The following MED13 variants were observed in gnomAD, a reference collection of about 807,000 sequenced individuals.
MED13 encodes mediator of RNA polymerase II transcription subunit 13.
In MED13, 23 loss-of-function variants were observed where a neutral mutation model predicts 225.2. That is an observed-to-expected ratio of 0.10 (90% CI 0.07 to 0.14). The LOEUF (loss-of-function observed/expected upper bound fraction) is 0.14. MED13 is among the 10% of genes least tolerant of loss of function. MED13 has a pLI of 1.00. For synonymous variants in MED13, 942 were observed against 889.2 expected (o/e 1.06, Z -1.06); for missense variants, 2,197 against 2,594.5 (o/e 0.85, Z 3.33).
Position 61,955,855 on chromosome 17 carries a change from T to TAAAAAAA in MED13, c.5624-24_5624-18dup, listed in dbSNP as rs61326861. On this transcript the variant is annotated splice_polypyrimidine_tract_variant and intron_variant, in intron 24 of 29. Transcript: ENST00000397786. ...AGCTCCAATCTGTGGGTATCAACAG[T>TAAAAAAA]AAAAAAAAAAAAAAAAAAAAAAAAA... 1.1e-5 allele frequency: 9 copies of TAAAAAAA among 815,158 alleles called. No homozygotes were observed. Among genetic ancestry groups the TAAAAAAA allele is most frequent in the East Asian group, 1.5e-4 (2 of 13,324 alleles). 50.5% of individuals were successfully genotyped at this position (815,158 alleles called of 1,614,324 possible).
chr17:61,946,517 T>A lies in MED13; in HGVS notation c.6476A>T (p.His2159Leu). ...ATATAACTGATTCAGCACCACAAAATGAATTGGGAGACATGAGCGTCTGTC... is the reference window on the plus strand; with the variant it reads ...ATATAACTGATTCAGCACCACAAAAAGAATTGGGAGACATGAGCGTCTGTC... ...TQDRRSCLPI[H>L]FVVLNQLYNF... The change falls in exon 30 of 30, where the codon CAT (histidine) becomes CTT (leucine). Residue 2159 changes from histidine (H) to leucine (L), a missense_variant. Physicochemically the swap from His to Leu is moderately conservative, Grantham distance 99 (BLOSUM62 -3). Around this residue, in one of 12 missense-constraint regions of MED13, gnomAD observed 216 missense variants for 388.9 expected, o/e 0.56. Transcript: ENST00000397786. The A allele has an allele frequency of 6.2e-7, 1 of 1,613,818 alleles. No homozygotes were observed. The highest frequency in any genetic ancestry group is 8.5e-7 in the Non-Finnish European group (1 of 1,179,758).
At chr17:61,978,879 C>T (rs1029757217) in intron 16 of MED13, among the ~76,000 whole-genome samples, 6 of 152,102 alleles carry the variant, frequency 3.9e-5, no homozygotes, top group Non-Finnish European at 7.4e-5. Context: ...TGAACTTAAT[C>T]ACTGGTCCAT....
intron 27 of MED13, 118 bp downstream of exon 27, chr17:61,952,847 G>A (rs915963279): frequency 5.6e-5 from 66 of 1,180,978 alleles, no homozygotes; most frequent in Non-Finnish European, 7.5e-5. Context: ...ATATTGGCCA[G>A]GCTGGTCTCA....
chr17:61,998,366 A>C (rs2080363569), intron 9 of MED13, among the ~76,000 whole-genome samples: 1 of 152,226 alleles, frequency 6.6e-6, no homozygotes. Context: ...TATATTATTC[A>C]TTAATTGCAA....
rs774017981 is a variant in MED13 at position 61,944,427 on chromosome 17, G to A, written c.*2041C>T. 1.3e-5 allele frequency: 2 copies of A among 150,126 alleles called. No homozygotes were observed. The highest frequency in any genetic ancestry group is 4.9e-5 in the African/African-American group (2 of 40,798). The allele number at this position is 150,126 out of a possible 1,614,324, so 9.3% of individuals were successfully genotyped here. A position where few individuals can be genotyped will look rare whatever the true frequency, so the allele number is the denominator to read the frequency against. Reference sequence around the variant, plus strand: ...AACAAAACATACCAACATAATGTGTGGTGTATTAGCATAATTTAAAAACAA... The same window carrying A: ...AACAAAACATACCAACATAATGTGTAGTGTATTAGCATAATTTAAAAACAA... On this transcript the variant is annotated 3_prime_UTR_variant, in exon 30 of 30. Transcript: ENST00000397786.
intron 19 of MED13, among the ~76,000 whole-genome samples, chr17:61,966,249 T>A (rs1402533764): frequency 6.6e-6 from 1 of 152,208 alleles, no homozygotes; most frequent in Non-Finnish European, 1.5e-5. Flanking sequence ...AAACTTGTTC[T>A]GTAAAGGGTC....
intron 9 of MED13, chr17:62,006,108 C>T (rs921530740): frequency 6.6e-6 from 1 of 151,938 alleles, no homozygotes; most frequent in African/African-American, 2.4e-5. Flanking sequence ...AGAAAAAGTT[C>T]ACAGCCTACA....
In MED13 at chr17:61,942,672, A is replaced by G. The variant is rs893040825; in HGVS notation, c.*3796T>C. On this transcript the variant is annotated 3_prime_UTR_variant, in exon 30 of 30. Coordinates refer to ENST00000397786, the MANE Select transcript of MED13 (RefSeq NM_005121.3). ...TTTGTTTTTGTTTTTTTTTTTTTAA[A>G]AAGTATAAACCTTTTCATTTCCTCA... 2 of 151,914 alleles carry G rather than the reference A, an allele frequency of 1.3e-5. No individual in the cohort carries two copies. The highest frequency in any genetic ancestry group is 4.8e-5 in the African/African-American group (2 of 41,296). The allele number at this position is 151,914 out of a possible 1,614,324, so 9.4% of individuals were successfully genotyped here.
At chr17:61,992,894 G>C (rs1419335270) in intron 10 of MED13, among the ~76,000 whole-genome samples, 1 of 151,680 alleles carries the variant, frequency 6.6e-6, no homozygotes, top group Non-Finnish European at 1.5e-5. Flanking sequence ...AGCTTCCCAA[G>C]TAGCTAGGAC....
chr17:62,015,915 C>CACATATATATATATAT (rs1230248036), intron 8 of MED13, among the ~76,000 whole-genome samples: 15 of 8,606 alleles, frequency 1.7e-3, no homozygotes, highest in South Asian at 6.6e-3. Flanking sequence ...ACACTATACA[C>CACATATATATATATAT]ATATATATAT....
intron 10 of MED13, among the ~76,000 whole-genome samples, chr17:61,992,920 C>T (rs966968940): frequency 7.2e-5 from 11 of 152,184 alleles, no homozygotes; most frequent in African/African-American, 2.7e-4. Flanking sequence ...ACACATGCCA[C>T]CACGCCCAGC....
intron 17 of MED13, among the ~76,000 whole-genome samples, chr17:61,970,469 C>A (rs573317934): frequency 6.6e-6 from 1 of 152,062 alleles, no homozygotes; most frequent in African/African-American, 2.4e-5. Flanking sequence ...TCACTTGAGG[C>A]AAGCAGTTCA....
In MED13 at chr17:61,961,084, C is replaced by T. The variant is rs1469490643; in HGVS notation, c.5263G>A (p.Glu1755Lys). 1.2e-6 allele frequency: 2 copies of T among 1,611,072 alleles called. No individual in the cohort carries two copies. Among genetic ancestry groups the T allele is most frequent in the Non-Finnish European group, 1.7e-6 (2 of 1,177,868 alleles). ...GGAGGTGCATAAAGTCGAATACACTCTGGTCTCTATAAAATAAAAAATTAA... is the reference window on the plus strand; with the variant it reads ...GGAGGTGCATAAAGTCGAATACACTTTGGTCTCTATAAAATAAAAAATTAA... ...ETALRSPDRP[E>K]CIRLYAPPFI... Residue 1755 changes from glutamate to lysine, a missense_variant, in exon 23 of 30, where the codon GAG becomes AAG. Physicochemically the swap from Glu to Lys is moderately conservative, Grantham distance 56. Transcript: ENST00000397786.
chr17:61,968,309 T>C (rs1475328570), intron 17 of MED13, 51 bp from the exon 18 acceptor site: 1 of 1,190,468 alleles, frequency 8.4e-7, no homozygotes. Context: ...AAGACATGTC[T>C]CCTTTTTATT....
chr17:62,012,293 T>C (rs1228134637), intron 8 of MED13, among the ~76,000 whole-genome samples: 1 of 151,468 alleles, frequency 6.6e-6, no homozygotes, highest in Non-Finnish European at 1.5e-5. Flanking sequence ...ATGAGAGATA[T>C]ATATACACAT....
chr17:62,033,655 G>T, intron 5 of MED13, 132 bp downstream of exon 5: 1 of 816,938 alleles, frequency 1.2e-6, no homozygotes, highest in Non-Finnish European at 1.9e-6. Context: ...AGTAATGTGG[G>T]CAGGAAATTA....
chr17:62,020,227 C>A (rs2078531478), intron 8 of MED13, among the ~76,000 whole-genome samples: 1 of 144,310 alleles, frequency 6.9e-6, no homozygotes, highest in Admixed American at 6.9e-5. Context: ...ACTTAGCAGC[C>A]TTTCTTTTTT....
At chr17:62,029,218 G>T (rs2080731236) in intron 8 of MED13, 1 of 220,948 alleles carries the variant, frequency 4.5e-6, no homozygotes, top group African/African-American at 2.3e-5. Context: ...AGGAAGGAAT[G>T]CTTTTCTCAA....
chr17:61,946,608 G>A lies in MED13; in HGVS notation c.6393-8C>T, dbSNP rs146397095. Reference sequence around the variant, plus strand: ...TACTGTTCCAAAACAAACCTGAAAAGCAAATAAACTGCATAAGTCATTTAT... The same window carrying A: ...TACTGTTCCAAAACAAACCTGAAAAACAAATAAACTGCATAAGTCATTTAT... On this transcript the variant is annotated splice_polypyrimidine_tract_variant and splice_region_variant and intron_variant, in intron 29 of 29. Transcript: ENST00000397786. The A allele has an allele frequency of 6.2e-7, 1 of 1,608,062 alleles. No homozygotes were observed. The highest frequency in any genetic ancestry group is 8.5e-7 in the Non-Finnish European group (1 of 1,178,706).
Sources: gnomAD v4.1 joint callset for allele counts (sites outside exome capture counted in the v4.1 genomes callset) on GRCh38, gnomAD v4.1.1 for gene constraint, gnomAD v4.1.1 regional missense constraint, MANE v1.5 for transcripts, NCBI Gene and HGNC (gene_info 2026-07-23, HGNC 2026-07-21) for gene names.